The following ABI2 variants were observed in gnomAD, a reference collection of about 807,000 sequenced individuals.
The protein encoded by ABI2 is abl interactor 2, also known as abelson interactor 2.
In ABI2, 25 loss-of-function variants were observed where a neutral mutation model predicts 59.2. The ratio of observed to expected loss-of-function variants is 0.42; its 90% CI spans 0.31 to 0.59. The LOEUF is 0.59. Ranked by LOEUF, ABI2 falls within the 20% of genes least tolerant of loss-of-function variation. The pLI is 0.14. For missense variants in ABI2, 545 were observed against 681.8 expected (o/e 0.80, Z 2.23); for synonymous variants, 213 against 235.5 (o/e 0.90, Z 0.87).
At position 203,431,958 on chromosome 2, in the gene ABI2, T is replaced by C. The variant is rs1308931478; in HGVS notation, c.*4606T>C. 6.6e-6 allele frequency: 1 copy of C among 152,198 alleles called. No individual in the cohort carries two copies. The highest frequency in any genetic ancestry group is 1.9e-4 in the East Asian group (1 of 5,190). The allele number at this position is 152,198 out of a possible 1,614,324, so 9.4% of individuals were successfully genotyped here. On this transcript the variant is annotated 3_prime_UTR_variant, in exon 12 of 12. Coordinates refer to ENST00000261018, the MANE Select transcript of ABI2 (RefSeq NM_001375670.1). Reference sequence around the variant, plus strand: ...TTTGTGATCTGGCCAGTTGTACTTTTAGCTCCCAGAGGGAGAGTTGGTGGT... The same window carrying C: ...TTTGTGATCTGGCCAGTTGTACTTTCAGCTCCCAGAGGGAGAGTTGGTGGT...
chr2:203,417,878 TTATG>T (rs1381682639), intron 11 of ABI2, among the ~76,000 whole-genome samples: 3 of 152,144 alleles, frequency 2.0e-5, no homozygotes, highest in Admixed American at 6.5e-5. Flanking sequence ...ATTTTTTTCT[TTATG>T]TAGCTACTAT....
rs991214044 is a variant in ABI2 at position 203,428,504 on chromosome 2, TAGTC to T, written c.*1155_*1158del. On this transcript the variant is annotated 3_prime_UTR_variant, in exon 12 of 12. Transcript: ENST00000261018. ...GATTGGACTCTTAAGTAGCTGCTGT[TAGTC>T]AGAATTAAAACCCATCTCAGACTAA... 6.5e-5 allele frequency: 10 copies of T among 152,746 alleles called. No individual in the cohort carries two copies. The highest frequency in any genetic ancestry group is 2.2e-4 in the African/African-American group (9 of 41,570). 9.5% of individuals were successfully genotyped at this position (152,746 alleles called of 1,614,324 possible).
chr2:203,394,423 T>C, intron 5 of ABI2: 2 of 346,688 alleles, frequency 5.8e-6, no homozygotes, highest in Non-Finnish European at 1.0e-5. Context: ...AAACATTGGC[T>C]TAAATGGTAG....
chr2:203,335,301 C>G (rs1420926294), intron 1 of ABI2, among the ~76,000 whole-genome samples: 2 of 152,176 alleles, frequency 1.3e-5, no homozygotes, highest in East Asian at 1.9e-4. Flanking sequence ...CTCTGTCACT[C>G]AGGCTGGAGT....
At chr2:203,355,834 A>C (rs1341789501) in intron 1 of ABI2, among the ~76,000 whole-genome samples, 2 of 150,372 alleles carry the variant, frequency 1.3e-5, no homozygotes, top group Non-Finnish European at 3.0e-5. Flanking sequence ...TGTCTCAAAA[A>C]AAAAAAAAAA....
chr2:203,348,084 T>C (rs2084886538), intron 1 of ABI2, among the ~76,000 whole-genome samples: 1 of 151,980 alleles, frequency 6.6e-6, no homozygotes, highest in Non-Finnish European at 1.5e-5. Context: ...CTCCTAAAAA[T>C]ACAAAAGTTA....
intron 1 of ABI2, among the ~76,000 whole-genome samples, chr2:203,331,021 A>G (rs1481505726): frequency 6.6e-6 from 1 of 152,204 alleles, no homozygotes; most frequent in Non-Finnish European, 1.5e-5. Flanking sequence ...ATAAATATTG[A>G]TTAATATTAA....
At chr2:203,343,301 T>C (rs1187116047) in intron 1 of ABI2, among the ~76,000 whole-genome samples, 1 of 152,098 alleles carries the variant, frequency 6.6e-6, no homozygotes, top group Non-Finnish European at 1.5e-5. Flanking sequence ...GAAGCGGAGG[T>C]TGCAGTTAGC....
At chr2:203,350,809 A>G (rs1405276661) in intron 1 of ABI2, among the ~76,000 whole-genome samples, 3 of 151,208 alleles carry the variant, frequency 2.0e-5, no homozygotes. Flanking sequence ...AAGTGCTGGG[A>G]TTATAGGCAT....
intron 9 of ABI2, among the ~76,000 whole-genome samples, chr2:203,407,002 T>A (rs1419825195): frequency 1.3e-5 from 2 of 152,200 alleles, no homozygotes; most frequent in Non-Finnish European, 2.9e-5. Context: ...TACCACATCC[T>A]TTTCTTTTTG....
rs930481294 is a variant in ABI2, at chr2:203,348,824, C to A, written c.118-18053C>A. Among the ~76,000 whole-genome samples the A allele has an allele frequency of 1.4e-4, 21 of 152,170 alleles. 1 individual carries two copies. The highest frequency in any genetic ancestry group is 5.1e-4 in the African/African-American group (21 of 41,540). On this transcript the variant is annotated intron_variant, in intron 1 of 11. Coordinates refer to ENST00000261018, the MANE Select transcript of ABI2 (RefSeq NM_001375670.1). ...CATTATAATTGATGAATCTACACAT[C>A]ATTATCACCCAAAATTTCTTTTATT...
chr2:203,396,892 G>A lies in ABI2; in HGVS notation c.958G>A (p.Ala320Thr). The A allele has an allele frequency of 1.3e-6, 2 of 1,533,954 alleles. No individual in the cohort carries two copies. The highest frequency in any genetic ancestry group is 1.7e-6 in the Non-Finnish European group (2 of 1,146,180). The change falls in exon 8 of 12, where the codon GCT (alanine) becomes ACT (threonine). Residue 320 changes from alanine (A) to threonine (T), a missense_variant. Physicochemically the swap from Ala to Thr is moderately conservative, Grantham distance 58 (BLOSUM62 0). Coordinates refer to ENST00000261018, the MANE Select transcript of ABI2 (RefSeq NM_001375670.1). ...VPSSTAPDAA[A>T]GGAQTLADGF... Reference sequence around the variant, plus strand: ...TTCCTCCACTGCCCCAGACGCTGCTGCTGGGGGTGCCCAGACCCTTGCTGA... The same window carrying A: ...TTCCTCCACTGCCCCAGACGCTGCTACTGGGGGTGCCCAGACCCTTGCTGA...
At chr2:203,353,194 A>AT (rs148399160) in intron 1 of ABI2, among the ~76,000 whole-genome samples, 1 of 151,794 alleles carries the variant, frequency 6.6e-6, no homozygotes, top group Non-Finnish European at 1.5e-5. Context: ...GGAATTTGTA[A>AT]TTTTTTTTCA....
rs111592781 is a variant in ABI2 at position 203,395,306 on chromosome 2, C to T, written c.726-350C>T. 7.6e-3 allele frequency among the ~76,000 whole-genome samples: 1,155 copies of T among 151,710 alleles called. 9 individuals carry two copies. Among genetic ancestry groups the T allele is most frequent in the Non-Finnish European group, 0.012 (823 of 67,908 alleles). On this transcript the variant is annotated intron_variant, in intron 6 of 11. Transcript: ENST00000261018. ...GGCATTAAACTGGAATATAAAAAGG[C>T]AATATTTATTGTTTTAATGTGTTAA... is the stretch of plus-strand genomic sequence containing the variant.
intron 1 of ABI2, among the ~76,000 whole-genome samples, chr2:203,347,456 C>G (rs2084386572): frequency 1.3e-5 from 2 of 152,316 alleles, no homozygotes; most frequent in South Asian, 4.1e-4. Context: ...AAGACCATTA[C>G]ACGAAGAACC....
intron 9 of ABI2, chr2:203,403,243 A>G (rs879787471): frequency 4.6e-5 from 7 of 152,866 alleles, no homozygotes; most frequent in South Asian, 2.1e-4. Context: ...TACACTAAAT[A>G]ATCGGTTGTA....
chr2:203,395,992 C>G (rs183624141), intron 7 of ABI2, among the ~76,000 whole-genome samples: 2 of 152,224 alleles, frequency 1.3e-5, no homozygotes, highest in East Asian at 3.9e-4. Context: ...TGATGTGGCT[C>G]AGTTGCTGCT....
chr2:203,422,933 G>A (rs1454530015), intron 11 of ABI2, among the ~76,000 whole-genome samples: 1 of 152,150 alleles, frequency 6.6e-6, no homozygotes, highest in Admixed American at 6.5e-5. Context: ...GCTGGCTTAG[G>A]ATGAACTTTT....
At chr2:203,334,930 G>C (rs986345238) in intron 1 of ABI2, among the ~76,000 whole-genome samples, 4 of 152,128 alleles carry the variant, frequency 2.6e-5, no homozygotes, top group Admixed American at 2.6e-4. Flanking sequence ...CAAAGTGCTG[G>C]GATTACAGCG....
Sources: gnomAD v4.1 joint callset for allele counts (sites outside exome capture counted in the v4.1 genomes callset) on GRCh38, gnomAD v4.1.1 for gene constraint, MANE v1.5 for transcripts, NCBI Gene and HGNC (gene_info 2026-07-23, HGNC 2026-07-21) for gene names.